The following CCSER1 variants were observed in gnomAD, a reference collection of about 807,000 sequenced individuals.
CCSER1 encodes serine-rich coiled-coil domain-containing protein 1.
In CCSER1, 41 loss-of-function variants were observed where a neutral mutation model predicts 82.0. The observed-to-expected ratio is 0.50, with a 90% CI of 0.39 to 0.65. The LOEUF (loss-of-function observed/expected upper bound fraction) is 0.65. Ranked by LOEUF, CCSER1 falls within the 30% of genes least tolerant of loss-of-function variation. The pLI is 0.00. For missense variants in CCSER1, 1,119 were observed against 1,064.2 expected, an observed-to-expected ratio of 1.05 and a Z score of -0.72; for synonymous variants, 414 against 383.9, an observed-to-expected ratio of 1.08 and a Z score of -0.92.
At chr4:90,343,429 C>T (rs950352252) in intron 3 of CCSER1, among the ~76,000 whole-genome samples, 18 of 151,942 alleles carry the variant, frequency 1.2e-4, no homozygotes, top group African/African-American at 3.9e-4. Context: ...CCAGCCTGGC[C>T]GACACGGTGA....
chr4:90,637,011 A>T (rs1269579709), intron 6 of CCSER1, among the ~76,000 whole-genome samples: 1 of 152,228 alleles, frequency 6.6e-6, no homozygotes, highest in Non-Finnish European at 1.5e-5. Context: ...TCATAAAATT[A>T]TATATTGCTG....
At chr4:90,154,257 TA>T (rs755810703) in intron 1 of CCSER1, among the ~76,000 whole-genome samples, 4 of 152,352 alleles carry the variant, frequency 2.6e-5, no homozygotes, top group Non-Finnish European at 4.4e-5. Context: ...TTGGTACCAG[TA>T]CCATGCTGTT....
intron 7 of CCSER1, among the ~76,000 whole-genome samples, chr4:90,760,259 C>G (rs1580343131): frequency 6.6e-6 from 1 of 151,842 alleles, no homozygotes; most frequent in Non-Finnish European, 1.5e-5. Context: ...TATATGAATG[C>G]TGACTGTACA....
chr4:90,591,518 TA>T (rs1367399794), intron 5 of CCSER1, among the ~76,000 whole-genome samples: 1 of 152,078 alleles, frequency 6.6e-6, no homozygotes, highest in Non-Finnish European at 1.5e-5. Context: ...TGGCAATCAT[TA>T]AAAGTTAAGA....
chr4:91,128,333 CT>C (rs1406356389), intron 10 of CCSER1, among the ~76,000 whole-genome samples: 2 of 151,996 alleles, frequency 1.3e-5, no homozygotes, highest in African/African-American at 2.4e-5. Flanking sequence ...AAATTTCATT[CT>C]CTTCTTCAAC....
intron 8 of CCSER1, among the ~76,000 whole-genome samples, chr4:90,880,970 C>T (rs1016673513): frequency 6.6e-6 from 1 of 151,656 alleles, no homozygotes; most frequent in African/African-American, 2.4e-5. Context: ...AATTTACCTG[C>T]CCCTTTTGCC....
At chr4:91,117,181 A>G (rs1301079881) in intron 10 of CCSER1, among the ~76,000 whole-genome samples, 2 of 152,240 alleles carry the variant, frequency 1.3e-5, no homozygotes, top group African/African-American at 4.8e-5. Context: ...AGCAACATCC[A>G]TTTATATATG....
intron 9 of CCSER1, among the ~76,000 whole-genome samples, chr4:91,038,793 G>T (rs1352872584): frequency 1.3e-5 from 2 of 152,092 alleles, no homozygotes; most frequent in African/African-American, 4.8e-5. Context: ...AAATGAAAAT[G>T]TAGATGACAT....
chr4:91,419,875 A>G (rs575843646), intron 10 of CCSER1, among the ~76,000 whole-genome samples: 4 of 152,186 alleles, frequency 2.6e-5, no homozygotes, highest in South Asian at 2.1e-4. Context: ...GGTATAGAAT[A>G]GTGAGCCTGT....
intron 9 of CCSER1, among the ~76,000 whole-genome samples, chr4:91,043,518 G>A (rs17267535): frequency 0.37 from 55,663 of 150,234 alleles, 11,546 homozygotes; most frequent in East Asian, 0.63. Context: ...CATATAGAGC[G>A]TCCATAAGAG....
intron 8 of CCSER1, among the ~76,000 whole-genome samples, chr4:90,884,915 C>A (rs1721895232): frequency 6.6e-6 from 1 of 151,986 alleles, no homozygotes; most frequent in African/African-American, 2.4e-5. Flanking sequence ...GAAGATTGCA[C>A]AACAATACTG....
rs1289774358 is a variant in CCSER1 at position 91,599,020 on chromosome 4, G to A, written c.2666G>A (p.Ser889Asn). The A allele has an allele frequency of 6.5e-7, 1 of 1,549,056 alleles. No homozygotes were observed. Among genetic ancestry groups the A allele is most frequent in the Non-Finnish European group, 8.7e-7 (1 of 1,145,030 alleles). The change falls in exon 11 of 11, where the codon AGC becomes AAC. Residue 889 changes from serine (S) to asparagine (N), a missense_variant. Physicochemically the swap from Ser to Asn is conservative, Grantham distance 46. Coordinates refer to ENST00000509176, the MANE Select transcript of CCSER1 (RefSeq NM_001145065.2). ...KNVFLHHNLHSTELQTLGQQD... is the reference protein window; with the variant it reads ...KNVFLHHNLHNTELQTLGQQD... ...GTGTTTCTCCACCACAATTTACACA[G>A]CACTGAGCTGCAAACTCTAGGCCAG...
chr4:90,199,778 A>G (rs1052719698), intron 1 of CCSER1, among the ~76,000 whole-genome samples: 6 of 152,036 alleles, frequency 3.9e-5, no homozygotes, highest in Non-Finnish European at 5.9e-5. Flanking sequence ...ACACTCATGT[A>G]TGGTAATTTT....
At chr4:90,913,900 C>A (rs939302926) in intron 8 of CCSER1, among the ~76,000 whole-genome samples, 3 of 152,024 alleles carry the variant, frequency 2.0e-5, no homozygotes, top group Non-Finnish European at 4.4e-5. Context: ...ACAAAGAAGG[C>A]CATTACATAA....
At chr4:91,216,125 A>G (rs1737217578) in intron 10 of CCSER1, among the ~76,000 whole-genome samples, 1 of 152,054 alleles carries the variant, frequency 6.6e-6, no homozygotes, top group South Asian at 2.1e-4. Context: ...TTCAAACAAG[A>G]TGTCAACACT....
intron 10 of CCSER1, among the ~76,000 whole-genome samples, chr4:91,498,116 A>G (rs1165340917): frequency 6.6e-6 from 1 of 152,006 alleles, no homozygotes; most frequent in Non-Finnish European, 1.5e-5. Context: ...TGCAAATAGA[A>G]AATCGACCCA....
chr4:91,343,079 A>G (rs1382516312), intron 10 of CCSER1, among the ~76,000 whole-genome samples: 1 of 152,106 alleles, frequency 6.6e-6, no homozygotes, highest in Non-Finnish European at 1.5e-5. Context: ...TTATAAATAC[A>G]TGTTACAAAT....
chr4:90,246,934 CTT>C (rs1225897870), intron 1 of CCSER1, among the ~76,000 whole-genome samples: 1 of 151,928 alleles, frequency 6.6e-6, no homozygotes, highest in Non-Finnish European at 1.5e-5. Flanking sequence ...TGCGGCTTCT[CTT>C]TGACATATCC....
intron 6 of CCSER1, among the ~76,000 whole-genome samples, chr4:90,720,694 T>C (rs1419162918): frequency 2.2e-4 from 34 of 151,966 alleles, no homozygotes; most frequent in Admixed American, 2.2e-3. Context: ...TGACAAATAG[T>C]TTGTGAATCA....
Sources: allele counts gnomAD v4.1 joint callset (sites outside exome capture counted in the v4.1 genomes callset), GRCh38; gene constraint gnomAD v4.1.1; transcripts MANE v1.5; gene names NCBI Gene and HGNC (gene_info 2026-07-23, HGNC 2026-07-21).